MYO16: variants seen among roughly 807,000 people sequenced by gnomAD.
The protein encoded by MYO16 is unconventional myosin-XVI.
In MYO16, 94 loss-of-function variants were observed where a neutral mutation model predicts 205.3. The ratio of observed to expected loss-of-function variants is 0.46; its 90% confidence interval spans 0.39 to 0.54. The LOEUF (loss-of-function observed/expected upper bound fraction) is 0.54. Ranked by LOEUF, MYO16 falls within the 20% of genes least tolerant of loss-of-function variation. The probability of loss-of-function intolerance (pLI) is 0.00; values close to 1 mark genes in which losing one functional copy is unlikely to be tolerated. For synonymous variants in MYO16, 988 were observed against 954.0 expected (o/e 1.04, Z -0.66); for missense variants, 2,315 against 2,387.5 (o/e 0.97, Z 0.63).
chr13:108,997,350 G>C, intron 21 of MYO16, among the ~76,000 whole-genome samples: 1 of 3,442 alleles, frequency 2.9e-4, no homozygotes, highest in African/African-American at 1.0e-3. Flanking sequence ...GAGAGAGAGA[G>C]AGAGAGAGAG....
At chr13:109,148,702 A>G (rs1316503683) in intron 32 of MYO16, among the ~76,000 whole-genome samples, 1 of 152,194 alleles carries the variant, frequency 6.6e-6, no homozygotes, top group African/African-American at 2.4e-5. Context: ...TCCTCCCAAA[A>G]TGTCAGTGAC....
At chr13:108,817,560 A>G (rs759506873) in intron 7 of MYO16, among the ~76,000 whole-genome samples, 3 of 152,150 alleles carry the variant, frequency 2.0e-5, no homozygotes, top group Non-Finnish European at 4.4e-5. Context: ...AATGTTCTAT[A>G]TCTTATTTGT....
intron 12 of MYO16, among the ~76,000 whole-genome samples, chr13:108,878,016 C>G (rs946002157): frequency 2.6e-5 from 4 of 152,122 alleles, no homozygotes; most frequent in African/African-American, 9.7e-5. Context: ...TAGAGATCAA[C>G]ACTTGTTTTC....
chr13:109,170,082 A>G (rs1002688902), intron 33 of MYO16, among the ~76,000 whole-genome samples: 1 of 152,202 alleles, frequency 6.6e-6, no homozygotes, highest in Non-Finnish European at 1.5e-5. Context: ...ATAAAAGGAA[A>G]GAAGGGCTTG....
Position 109,168,594 on chromosome 13 carries a change from A to G in MYO16, c.5323+3535A>G, listed in dbSNP as rs117608217. Among the ~76,000 whole-genome samples, 672 of 152,156 alleles carry G rather than the reference A, an allele frequency of 4.4e-3. 16 individuals carry two copies. In the East Asian group the frequency reaches 0.065, roughly 15 times the overall value. ...ACAAAAATCAGCTGGGCTTGGTGGT[A>G]TATGCCTTTAATCCCGGCGACTCGG... On this transcript the variant is annotated intron_variant, in intron 33 of 34. Transcript: ENST00000457511.
At chr13:108,515,880 G>C in the MYO16 span, among the ~76,000 whole-genome samples, 1 of 57,780 alleles carries the variant, frequency 1.7e-5, no homozygotes, top group Non-Finnish European at 3.6e-5. Flanking sequence ...TCTCTTCAAA[G>C]CTGTCAGACA....
intron 7 of MYO16, among the ~76,000 whole-genome samples, chr13:108,807,486 G>T (rs1887152212): frequency 6.6e-6 from 1 of 152,082 alleles, no homozygotes; most frequent in Admixed American, 6.6e-5. Context: ...TATATTTAAG[G>T]ATCTGCTAAA....
At chr13:108,499,983 G>A in the MYO16 span, among the ~76,000 whole-genome samples, 1 of 151,540 alleles carries the variant, frequency 6.6e-6, no homozygotes. Context: ...CCTCTGCTCC[G>A]GCGGGCCCTC....
chr13:108,973,314 T>C (rs778390331), intron 20 of MYO16, among the ~76,000 whole-genome samples: 5 of 151,322 alleles, frequency 3.3e-5, no homozygotes, highest in Non-Finnish European at 7.4e-5. Flanking sequence ...ATTGAACAGA[T>C]CCTATACCAA....
chr13:108,644,737 A>T (rs76411541), intron 1 of MYO16, among the ~76,000 whole-genome samples: 6,836 of 152,262 alleles, frequency 0.045, 185 homozygotes, highest in South Asian at 0.13. Context: ...TATTTAAATA[A>T]TTAGCTTTCG....
the MYO16 span, among the ~76,000 whole-genome samples, chr13:108,522,457 T>G: frequency 6.6e-6 from 1 of 152,136 alleles, no homozygotes; most frequent in Non-Finnish European, 1.5e-5. Context: ...TTTTCATGAG[T>G]GTATAATCTT....
intron 27 of MYO16, among the ~76,000 whole-genome samples, chr13:109,077,761 G>T (rs541808017): frequency 1.3e-5 from 2 of 152,114 alleles, no homozygotes; most frequent in African/African-American, 4.8e-5. Flanking sequence ...AAGCACTTTG[G>T]TGTAGTTCCT....
At chr13:109,021,784 G>C (rs1886030454) in intron 23 of MYO16, among the ~76,000 whole-genome samples, 1 of 152,048 alleles carries the variant, frequency 6.6e-6, no homozygotes, top group Non-Finnish European at 1.5e-5. Flanking sequence ...GTACAACCAA[G>C]GGCTTTGTCC....
the MYO16 span, among the ~76,000 whole-genome samples, chr13:108,543,289 T>C: frequency 6.6e-6 from 1 of 152,190 alleles, no homozygotes; most frequent in Non-Finnish European, 1.5e-5. Flanking sequence ...TAATATCCAA[T>C]AGGTAATTTC....
intron 34 of MYO16, among the ~76,000 whole-genome samples, chr13:109,182,088 G>A (rs1267944133): frequency 6.6e-6 from 1 of 152,134 alleles, no homozygotes; most frequent in African/African-American, 2.4e-5. Context: ...AAAGTGCTGG[G>A]ATTACAGGCG....
chr13:108,846,639 C>T (rs1007078503), intron 10 of MYO16, among the ~76,000 whole-genome samples: 8 of 151,868 alleles, frequency 5.3e-5, no homozygotes, highest in African/African-American at 1.9e-4. Flanking sequence ...CAATTGAACA[C>T]TATTTTTAAA....
intron 2 of MYO16, among the ~76,000 whole-genome samples, chr13:108,681,146 C>A (rs937385132): frequency 6.6e-6 from 1 of 152,190 alleles, no homozygotes; most frequent in Admixed American, 6.5e-5. Context: ...CTCTTGCTTC[C>A]TCACAAAAAT....
intron 16 of MYO16, among the ~76,000 whole-genome samples, chr13:108,948,513 C>T (rs1883021601): frequency 6.6e-6 from 1 of 152,368 alleles, no homozygotes; most frequent in South Asian, 2.1e-4. Context: ...TCTGCGCCTG[C>T]TGAGTGGGGC....
chr13:109,196,545 T>C (rs553362308), intron 34 of MYO16, among the ~76,000 whole-genome samples: 17 of 152,294 alleles, frequency 1.1e-4, no homozygotes, highest in African/African-American at 4.1e-4. Flanking sequence ...GTAAATGACT[T>C]AGCTTTTACC....
Sources: allele counts gnomAD v4.1 joint callset (sites outside exome capture counted in the v4.1 genomes callset), GRCh38; gene constraint gnomAD v4.1.1; transcripts MANE v1.5; gene names NCBI Gene and HGNC (gene_info 2026-07-23, HGNC 2026-07-21).